The following PKIG variants were observed in gnomAD, a reference collection of about 807,000 sequenced individuals.
PKIG encodes cAMP-dependent protein kinase inhibitor gamma.
A neutral mutation model predicts 6.8 loss-of-function variants in PKIG; 1 was observed. The ratio of observed to expected loss-of-function variants is 0.15; its 90% CI spans 0.05 to 0.69. The LOEUF (loss-of-function observed/expected upper bound fraction) is 0.69. PKIG is among the 30% of genes least tolerant of loss of function. PKIG has a pLI of 0.82. For missense variants in PKIG, 77 were observed against 104.0 expected, an observed-to-expected ratio of 0.74 and a Z score of 1.13; for synonymous variants, 39 against 43.0, an observed-to-expected ratio of 0.91 and a Z score of 0.36.
chr20:44,596,435 G>T (rs756323516), intron 2 of PKIG, among the ~76,000 whole-genome samples: 1 of 152,168 alleles, frequency 6.6e-6, no homozygotes, highest in Non-Finnish European at 1.5e-5. Context: ...AGGTGTGGGG[G>T]GAGGGCTGGA....
At chr20:44,607,375 A>ATTTTTT (rs1484119006) in intron 2 of PKIG, among the ~76,000 whole-genome samples, 5 of 106,242 alleles carry the variant, frequency 4.7e-5, no homozygotes, top group Non-Finnish European at 9.2e-5. Context: ...ATATATATAT[A>ATTTTTT]TATTTTTTTT....
intron 1 of PKIG, among the ~76,000 whole-genome samples, chr20:44,545,109 T>C (rs1487519706): frequency 6.6e-6 from 1 of 151,928 alleles, no homozygotes; most frequent in Non-Finnish European, 1.5e-5. Context: ...CTAATTTTTG[T>C]ATTTTTAGTA....
chr20:44,558,574 T>TTTTC (rs11377687), intron 1 of PKIG, among the ~76,000 whole-genome samples: 25,423 of 131,826 alleles, frequency 0.19, 2,571 homozygotes, highest in Non-Finnish European at 0.22. Flanking sequence ...TTTTTTTCTT[T>TTTTC]TTTCTTTCTT....
chr20:44,556,063 T>C (rs2064710240), intron 1 of PKIG, among the ~76,000 whole-genome samples: 1 of 152,022 alleles, frequency 6.6e-6, no homozygotes, highest in Non-Finnish European at 1.5e-5. Flanking sequence ...ATGGTCTCGA[T>C]CTCCTGAACT....
intron 2 of PKIG, among the ~76,000 whole-genome samples, chr20:44,605,188 G>A (rs1349069783): frequency 6.6e-6 from 1 of 151,386 alleles, no homozygotes; most frequent in South Asian, 2.1e-4. Context: ...GGCGGATCAC[G>A]AGGCCAGGAG....
At chr20:44,554,970 G>A (rs2064700874) in intron 1 of PKIG, among the ~76,000 whole-genome samples, 1 of 152,106 alleles carries the variant, frequency 6.6e-6, no homozygotes, top group South Asian at 2.1e-4. Flanking sequence ...ATTAAAAATT[G>A]TTACGGTTTT....
chr20:44,605,269 G>A (rs1323625976), intron 2 of PKIG, among the ~76,000 whole-genome samples: 2 of 151,972 alleles, frequency 1.3e-5, no homozygotes, highest in Non-Finnish European at 2.9e-5. Flanking sequence ...TTAGCCGGGT[G>A]TGGTAGCAGG....
upstream of PKIG, among the ~76,000 whole-genome samples, chr20:44,581,184 G>T (rs939713725): frequency 2.0e-5 from 3 of 152,136 alleles, no homozygotes; most frequent in Non-Finnish European, 2.9e-5. Context: ...TAACTTCTCT[G>T]TATATGTCTT....
intron 2 of PKIG, among the ~76,000 whole-genome samples, chr20:44,610,010 T>C (rs546021067): frequency 1.1e-4 from 17 of 152,210 alleles, no homozygotes; most frequent in East Asian, 1.9e-4. Context: ...TCCTGAAGCA[T>C]TGAGCGGTTT....
At chr20:44,580,324 T>C (rs988767306), upstream of PKIG, among the ~76,000 whole-genome samples, 3 of 150,730 alleles carry the variant, frequency 2.0e-5, no homozygotes, top group Non-Finnish European at 3.0e-5. Context: ...AGGCTGGTGT[T>C]TTTTTGTTTT....
intron 2 of PKIG, among the ~76,000 whole-genome samples, chr20:44,596,336 G>A (rs1188472214): frequency 6.6e-6 from 1 of 152,246 alleles, no homozygotes; most frequent in East Asian, 1.9e-4. Context: ...GGAAGAGGAA[G>A]AGGGACTCAG....
intron 1 of PKIG, among the ~76,000 whole-genome samples, chr20:44,564,900 A>G (rs6130637): frequency 6.6e-6 from 1 of 152,256 alleles, no homozygotes; most frequent in Non-Finnish European, 1.5e-5. Flanking sequence ...CCAGACATGT[A>G]TAAACCTCTC....
intron 1 of PKIG, among the ~76,000 whole-genome samples, chr20:44,570,998 C>T (rs1270853767): frequency 6.6e-6 from 1 of 152,096 alleles, no homozygotes; most frequent in Admixed American, 6.6e-5. Context: ...CTTTGGGAGG[C>T]CGAGGCGAGT....
At chr20:44,532,233 A>G (rs573672106) in intron 1 of PKIG, among the ~76,000 whole-genome samples, 1 of 152,366 alleles carries the variant, frequency 6.6e-6, no homozygotes, top group African/African-American at 2.4e-5. Context: ...TCTTAAAAAA[A>G]AAATCCCTTC....
intron 2 of PKIG, among the ~76,000 whole-genome samples, chr20:44,606,828 T>G (rs879734899): frequency 5.3e-5 from 8 of 152,162 alleles, no homozygotes; most frequent in Non-Finnish European, 1.0e-4. Flanking sequence ...TAAATGGGCT[T>G]GAGGGAGTGA....
At chr20:44,595,905 G>C (rs1197720090) in intron 2 of PKIG, among the ~76,000 whole-genome samples, 1 of 152,008 alleles carries the variant, frequency 6.6e-6, no homozygotes, top group Non-Finnish European at 1.5e-5. Context: ...CAACATGTTT[G>C]AACATAGTAT....
intron 1 of PKIG, among the ~76,000 whole-genome samples, chr20:44,543,509 A>G (rs1000738519): frequency 6.6e-6 from 1 of 152,186 alleles, no homozygotes; most frequent in African/African-American, 2.4e-5. Flanking sequence ...AAATATTTGC[A>G]TAACTCTCAG....
intron 2 of PKIG, chr20:44,598,772 C>G (rs1469767554): frequency 6.6e-6 from 1 of 152,200 alleles, no homozygotes; most frequent in Non-Finnish European, 1.5e-5. Flanking sequence ...CCAGAGACCT[C>G]CATGGAAGCA....
At position 44,609,497 on chromosome 20, in the gene PKIG, G is replaced by A. The variant is rs142132715; in HGVS notation, c.-23-5037G>A. Among the ~76,000 whole-genome samples the A allele has an allele frequency of 3.0e-4, 45 of 152,310 alleles. 1 individual carries two copies. The highest frequency in any genetic ancestry group is 1.0e-3 in the African/African-American group (43 of 41,562). On this transcript the variant is annotated intron_variant, in intron 2 of 3. Transcript: ENST00000372886. ...CGGCTCCTCCCCACAGAGGACAGGC[G>A]GGCAGCAGGGGAGAAGAGGGATAGA...
Sources: gnomAD v4.1 joint callset for allele counts (sites outside exome capture counted in the v4.1 genomes callset) on GRCh38, gnomAD v4.1.1 for gene constraint, MANE v1.5 for transcripts, NCBI Gene and HGNC (gene_info 2026-07-23, HGNC 2026-07-21) for gene names.